The following NEURL1B variants were observed in gnomAD, a reference collection of about 807,000 sequenced individuals.
The protein encoded by NEURL1B is neuralized E3 ubiquitin protein ligase 1B.
Under a neutral mutation model 37.4 loss-of-function variants are expected in NEURL1B, and 13 were observed. That is an observed-to-expected ratio of 0.35 (90% confidence interval 0.23 to 0.55). The LOEUF is 0.55. NEURL1B is among the 20% of genes least tolerant of loss of function. The pLI is 0.89. For missense variants in NEURL1B, 790 were observed against 879.2 expected (o/e 0.90, Z 1.28); for synonymous variants, 432 against 426.6 (o/e 1.01, Z -0.16).
chr5:172,672,085 A>G (rs1474376424), intron 2 of NEURL1B, among the ~76,000 whole-genome samples: 1 of 152,268 alleles, frequency 6.6e-6, no homozygotes, highest in Non-Finnish European at 1.5e-5. Flanking sequence ...GATGCAGCAC[A>G]GTTCCTGACA....
At chr5:172,684,923 G>T (rs1348455009) in intron 3 of NEURL1B, among the ~76,000 whole-genome samples, 2 of 152,230 alleles carry the variant, frequency 1.3e-5, no homozygotes. Flanking sequence ...GGCTCAAAAA[G>T]TAGAGTCCAA....
At chr5:172,642,566 T>C (rs1298962730) in intron 1 of NEURL1B, among the ~76,000 whole-genome samples, 2 of 152,206 alleles carry the variant, frequency 1.3e-5, no homozygotes, top group Non-Finnish European at 2.9e-5. Flanking sequence ...CACTCCCATA[T>C]AGCTCTCCCT....
At chr5:172,656,104 T>A (rs887074359) in intron 1 of NEURL1B, among the ~76,000 whole-genome samples, 1 of 152,168 alleles carries the variant, frequency 6.6e-6, no homozygotes, top group African/African-American at 2.4e-5. Flanking sequence ...TGGCTAGGAT[T>A]AGACTGTGCA....
chr5:172,681,075 G>A (rs1758343007), intron 2 of NEURL1B, among the ~76,000 whole-genome samples: 1 of 152,202 alleles, frequency 6.6e-6, no homozygotes, highest in South Asian at 2.1e-4. Context: ...GGGAGGAAGA[G>A]TGTGAAGTGG....
chr5:172,678,338 A>G (rs1266814695), intron 2 of NEURL1B, among the ~76,000 whole-genome samples: 1 of 152,170 alleles, frequency 6.6e-6, no homozygotes, highest in Non-Finnish European at 1.5e-5. Flanking sequence ...TGGGCTTCAC[A>G]TCTAGACTGT....
At position 172,641,719 on chromosome 5, in the gene NEURL1B, C is replaced by G. The variant is rs941627537; in HGVS notation, c.31+282C>G. On this transcript the variant is annotated intron_variant, in intron 1 of 4. Transcript: ENST00000369800. This position sits in a 1 kb window ranked among gnomAD's most constrained non-coding sequence, Gnocchi z 6.4. Reference sequence around the variant, plus strand: ...AAAGGGCCGCTGGGGCGATGCCGCGCGCCCCCTCGCCTTTGTTCCAGCCCG... The same window carrying G: ...AAAGGGCCGCTGGGGCGATGCCGCGGGCCCCCTCGCCTTTGTTCCAGCCCG... Among the ~76,000 whole-genome samples the G allele has an allele frequency of 6.6e-6, 1 of 152,248 alleles. No homozygotes were observed. Among genetic ancestry groups the G allele is most frequent in the Non-Finnish European group, 1.5e-5 (1 of 68,048 alleles).
chr5:172,642,888 A>C (rs1757491895), intron 1 of NEURL1B, among the ~76,000 whole-genome samples: 2 of 152,160 alleles, frequency 1.3e-5, no homozygotes, highest in Non-Finnish European at 2.9e-5. Context: ...ATATCTGGGG[A>C]TGTTGGCAAA....
At position 172,665,846 on chromosome 5, in the gene NEURL1B, G is replaced by T. The variant is rs988114767; in HGVS notation, c.32-3939G>T. 2.0e-5 allele frequency among the ~76,000 whole-genome samples: 3 copies of T among 152,128 alleles called. No homozygotes were observed. The highest frequency in any genetic ancestry group is 7.2e-5 in the African/African-American group (3 of 41,412). The stretch of plus-strand genomic sequence containing the variant: ...GGCCCCTAGTCCCCCCGGTGCCATC[G>T]CCTGAGATGGTCTTTATCACGCCTG... On this transcript the variant is annotated intron_variant, in intron 1 of 4. Coordinates refer to ENST00000369800, the MANE Select transcript of NEURL1B (RefSeq NM_001142651.3). This position sits in a 1 kb window ranked among gnomAD's most constrained non-coding sequence, Gnocchi z 4.1.
chr5:172,672,584 C>T (rs1346134411), intron 2 of NEURL1B, among the ~76,000 whole-genome samples: 2 of 138,888 alleles, frequency 1.4e-5, no homozygotes, highest in Admixed American at 7.4e-5. Flanking sequence ...TCTTATTGAA[C>T]TCCTTACAAC....
intron 1 of NEURL1B, among the ~76,000 whole-genome samples, chr5:172,649,573 G>T (rs1417299428): frequency 6.6e-6 from 1 of 151,900 alleles, no homozygotes; most frequent in African/African-American, 2.4e-5. Context: ...TGTTGGTCAG[G>T]CTGGCCTTGA....
At chr5:172,659,916 G>A (rs550287611) in intron 1 of NEURL1B, among the ~76,000 whole-genome samples, 14 of 152,106 alleles carry the variant, frequency 9.2e-5, no homozygotes, top group African/African-American at 2.9e-4. Flanking sequence ...AGAAGCTGTC[G>A]CCACTGCCCC....
Position 172,684,118 on chromosome 5 carries a change from C to G in NEURL1B, c.1277C>G (p.Ala426Gly), listed in dbSNP as rs1758430560. The G allele has an allele frequency of 7.2e-6, 9 of 1,258,306 alleles. No homozygotes were observed. The highest frequency in any genetic ancestry group is 2.7e-5 in the South Asian group (1 of 37,174). The allele number at this position is 1,258,306 out of a possible 1,614,324, so 77.9% of individuals were successfully genotyped here. Residue 426 changes from alanine to glycine, a missense_variant, in exon 3 of 5, where the codon GCG becomes GGG. Coordinates refer to ENST00000369800, the MANE Select transcript of NEURL1B (RefSeq NM_001142651.3). ...WAFFAVRGGVAGQLRLLGTLQ... is the reference protein window; with the variant it reads ...WAFFAVRGGVGGQLRLLGTLQ... Reference sequence around the variant, plus strand: ...TTCTTCGCCGTGCGCGGCGGCGTCGCGGGCCAGCTGCGTCTCCTCGGTGAG... The same window carrying G: ...TTCTTCGCCGTGCGCGGCGGCGTCGGGGGCCAGCTGCGTCTCCTCGGTGAG...
chr5:172,684,877 G>C (rs929286760), intron 3 of NEURL1B, among the ~76,000 whole-genome samples: 1 of 152,204 alleles, frequency 6.6e-6, no homozygotes, highest in African/African-American at 2.4e-5. Flanking sequence ...GAGATGTTCA[G>C]AGAAGGCTTC....
chr5:172,677,382 A>G (rs1036853753), intron 2 of NEURL1B, among the ~76,000 whole-genome samples: 1 of 152,086 alleles, frequency 6.6e-6, no homozygotes, highest in Non-Finnish European at 1.5e-5. Flanking sequence ...AGCTGGGTGC[A>G]TCGTGATCCC....
rs1758649616 is a variant in NEURL1B, at chr5:172,691,167, G to A, written c.*4242G>A. On this transcript the variant is annotated 3_prime_UTR_variant, in exon 5 of 5. Coordinates refer to ENST00000369800, the MANE Select transcript of NEURL1B (RefSeq NM_001142651.3). Reference sequence around the variant, plus strand: ...AGCAACTTTTAAAAGTGGATGGGGAGGGGGGCTAGCATACGTGGTAGGGTT... The same window carrying A: ...AGCAACTTTTAAAAGTGGATGGGGAAGGGGGCTAGCATACGTGGTAGGGTT... 6.6e-6 allele frequency: 1 copy of A among 152,182 alleles called. No individual in the cohort carries two copies. The highest frequency in any genetic ancestry group is 2.1e-4 in the South Asian group (1 of 4,830). 9.4% of individuals were successfully genotyped at this position (152,182 alleles called of 1,614,324 possible). A position where few individuals can be genotyped will look rare whatever the true frequency, so the allele number is the denominator to read the frequency against.
At chr5:172,649,045 A>G (rs1414648768) in intron 1 of NEURL1B, among the ~76,000 whole-genome samples, 2 of 152,242 alleles carry the variant, frequency 1.3e-5, no homozygotes, top group Non-Finnish European at 2.9e-5. Flanking sequence ...GGGGAAGTGC[A>G]TGGTGGACCC....
At chr5:172,660,801 G>A (rs973331310) in intron 1 of NEURL1B, among the ~76,000 whole-genome samples, 2 of 152,206 alleles carry the variant, frequency 1.3e-5, no homozygotes, top group East Asian at 1.9e-4. Flanking sequence ...CACTACACCC[G>A]ACTAATGTTT....
Position 172,665,712 on chromosome 5 carries a change from C to T in NEURL1B, c.32-4073C>T, listed in dbSNP as rs1056101755. Among the ~76,000 whole-genome samples, 1 of 152,064 alleles carries T rather than the reference C, an allele frequency of 6.6e-6. No homozygotes were observed. Among genetic ancestry groups the T allele is most frequent in the Non-Finnish European group, 1.5e-5 (1 of 68,000 alleles). ...ACCCTCCCCCCAAATTCCAGCCTCC[C>T]CCTGCCTCTGCCCCTACCGTTCCCC... On this transcript the variant is annotated intron_variant, in intron 1 of 4. Transcript: ENST00000369800. This position sits in a 1 kb window ranked among gnomAD's most constrained non-coding sequence, Gnocchi z 4.1.
chr5:172,648,722 G>T (rs1757604940), intron 1 of NEURL1B, among the ~76,000 whole-genome samples: 1 of 152,228 alleles, frequency 6.6e-6, no homozygotes, highest in East Asian at 1.9e-4. Flanking sequence ...TAGAAATCTT[G>T]GCAGGTTCAT....
Sources: allele counts gnomAD v4.1 joint callset (sites outside exome capture counted in the v4.1 genomes callset), GRCh38; gene constraint gnomAD v4.1.1; non-coding constraint Gnocchi (gnomAD v3.1); transcripts MANE v1.5; gene names NCBI Gene and HGNC (gene_info 2026-07-23, HGNC 2026-07-21).